The following NELL1 variants were observed in gnomAD, a reference collection of about 807,000 sequenced individuals.
NELL1 encodes the protein neural EGFL like 1.
A neutral mutation model predicts 107.4 loss-of-function variants in NELL1; 76 were observed. The ratio of observed to expected loss-of-function variants is 0.71; its 90% CI spans 0.59 to 0.86. The LOEUF is 0.86. NELL1 is among the 40% of genes least tolerant of loss of function. NELL1 has a pLI of 0.00. For missense variants in NELL1, 1,024 were observed against 1,005.5 expected, an observed-to-expected ratio of 1.02 and a Z score of -0.25; for synonymous variants, 353 against 341.2, an observed-to-expected ratio of 1.03 and a Z score of -0.38.
intron 15 of NELL1, among the ~76,000 whole-genome samples, chr11:21,437,429 G>C (rs760939937): frequency 1.6e-4 from 24 of 151,982 alleles, no homozygotes; most frequent in Non-Finnish European, 3.2e-4. Context: ...GTGCGATCTC[G>C]GCTCACCGCA....
chr11:20,837,692 C>A (rs990378203), intron 3 of NELL1, among the ~76,000 whole-genome samples: 6 of 151,896 alleles, frequency 4.0e-5, no homozygotes, highest in Non-Finnish European at 4.4e-5. Flanking sequence ...GGGAGTAAAT[C>A]AAAGAAACTA....
chr11:20,772,572 A>G (rs1471362928), intron 2 of NELL1, among the ~76,000 whole-genome samples: 1 of 152,166 alleles, frequency 6.6e-6, no homozygotes, highest in African/African-American at 2.4e-5. Flanking sequence ...AAAGCATCTC[A>G]GAAATGTCAT....
chr11:21,132,727 C>T (rs976611652), intron 13 of NELL1, among the ~76,000 whole-genome samples: 1 of 152,048 alleles, frequency 6.6e-6, no homozygotes, highest in African/African-American at 2.4e-5. Flanking sequence ...AATCTGGGCT[C>T]CCTGAAGGGT....
At chr11:20,972,339 G>C (rs1451108524) in intron 12 of NELL1, among the ~76,000 whole-genome samples, 1 of 152,124 alleles carries the variant, frequency 6.6e-6, no homozygotes, top group Non-Finnish European at 1.5e-5. Flanking sequence ...AAAACATATT[G>C]TTCAGGGTGT....
intron 12 of NELL1, among the ~76,000 whole-genome samples, chr11:20,985,777 C>T (rs780277711): frequency 1.6e-4 from 24 of 152,130 alleles, no homozygotes; most frequent in Admixed American, 5.9e-4. Context: ...TTCTTGGCCA[C>T]AAGTCTTATA....
chr11:20,929,750 T>C (rs2134174986), intron 9 of NELL1, among the ~76,000 whole-genome samples: 1 of 152,224 alleles, frequency 6.6e-6, no homozygotes, highest in South Asian at 2.1e-4. Flanking sequence ...GGCCGTCGGA[T>C]CACCTGAGGT....
intron 4 of NELL1, among the ~76,000 whole-genome samples, chr11:20,867,156 T>C (rs183249226): frequency 2.0e-5 from 3 of 152,002 alleles, no homozygotes; most frequent in Non-Finnish European, 2.9e-5. Context: ...GATTAGAAAA[T>C]GGGAGACTTG....
intron 14 of NELL1, among the ~76,000 whole-genome samples, chr11:21,323,485 C>G (rs559476131): frequency 6.6e-6 from 1 of 152,208 alleles, no homozygotes; most frequent in Non-Finnish European, 1.5e-5. Context: ...TGCCCCATTT[C>G]TTAGTGACCT....
At chr11:20,838,904 C>G (rs1292471618) in intron 3 of NELL1, among the ~76,000 whole-genome samples, 1 of 152,092 alleles carries the variant, frequency 6.6e-6, no homozygotes, top group Non-Finnish European at 1.5e-5. Flanking sequence ...CCTGGAGATC[C>G]AAAGTTATAC....
chr11:21,183,323 G>T (rs1856867291), intron 13 of NELL1, among the ~76,000 whole-genome samples: 1 of 151,910 alleles, frequency 6.6e-6, no homozygotes, highest in Non-Finnish European at 1.5e-5. Flanking sequence ...CATAATAAAT[G>T]ATTGTTGCTG....
intron 3 of NELL1, among the ~76,000 whole-genome samples, chr11:20,785,030 T>C (rs1456834474): frequency 6.6e-6 from 1 of 152,012 alleles, no homozygotes. Context: ...ACAGAGAGAG[T>C]GCTCTTGAAG....
chr11:20,692,448 C>G (rs1304691455), intron 2 of NELL1, among the ~76,000 whole-genome samples: 1 of 151,816 alleles, frequency 6.6e-6, no homozygotes, highest in Admixed American at 6.6e-5. Context: ...CCTCTCCACA[C>G]TGCTTTGAAT....
At chr11:21,516,809 ATT>A (rs367937806) in intron 15 of NELL1, among the ~76,000 whole-genome samples, 22 of 145,304 alleles carry the variant, frequency 1.5e-4, no homozygotes, top group East Asian at 1.0e-3. Flanking sequence ...TGGCATTGGT[ATT>A]TTTTTTTTTT....
At chr11:21,489,315 G>A (rs1854728333) in intron 15 of NELL1, among the ~76,000 whole-genome samples, 1 of 140,226 alleles carries the variant, frequency 7.1e-6, no homozygotes, top group African/African-American at 2.6e-5. Flanking sequence ...CCAGGACCTG[G>A]TGGATTCACA....
intron 15 of NELL1, among the ~76,000 whole-genome samples, chr11:21,434,808 A>G (rs1026764293): frequency 1.3e-5 from 2 of 152,088 alleles, no homozygotes. Context: ...TATTTTAATA[A>G]TATTAACTGT....
chr11:21,528,456 A>G (rs1424558489), intron 15 of NELL1, among the ~76,000 whole-genome samples: 1 of 132,152 alleles, frequency 7.6e-6, no homozygotes, highest in Admixed American at 7.8e-5. Context: ...AGTCTGGTTC[A>G]TCAGTTTCTC....
At chr11:21,471,728 G>T (rs1448438301) in intron 15 of NELL1, among the ~76,000 whole-genome samples, 2 of 151,982 alleles carry the variant, frequency 1.3e-5, no homozygotes, top group Non-Finnish European at 2.9e-5. Context: ...AAGACATAAA[G>T]ATGCAAACAT....
At chr11:21,269,624 A>G (rs1320491167) in intron 14 of NELL1, among the ~76,000 whole-genome samples, 1 of 152,114 alleles carries the variant, frequency 6.6e-6, no homozygotes. Context: ...ACATAAAGCC[A>G]TTTTCAGACA....
intron 15 of NELL1, among the ~76,000 whole-genome samples, chr11:21,386,061 A>G (rs1389650629): frequency 6.6e-6 from 1 of 151,812 alleles, no homozygotes; most frequent in African/African-American, 2.4e-5. Flanking sequence ...TTTTTCCTTC[A>G]TAAAATGTAT....
Sources: allele counts gnomAD v4.1 joint callset (sites outside exome capture counted in the v4.1 genomes callset), GRCh38; gene constraint gnomAD v4.1.1; transcripts MANE v1.5; gene names NCBI Gene and HGNC (gene_info 2026-07-23, HGNC 2026-07-21).